Variants in SORCS3 observed in about 807,000 individuals in gnomAD.
SORCS3 encodes the protein sortilin related VPS10 domain containing receptor 3, also known as VPS10 domain-containing receptor SorCS3.
SORCS3 carries 57 observed loss-of-function variants against 146.3 expected under a neutral mutation model. That is an observed-to-expected ratio of 0.39 (90% CI 0.31 to 0.49). The LOEUF (loss-of-function observed/expected upper bound fraction) is 0.49, where lower values mean the gene tolerates loss of function less well. Among genes scored for constraint, SORCS3 ranks in the 20% least tolerant of loss-of-function variants. SORCS3 has a pLI of 0.92. For missense variants in SORCS3, 1,341 were observed against 1,575.5 expected (o/e 0.85, Z 2.52); for synonymous variants, 653 against 618.5 (o/e 1.06, Z -0.83).
intron 2 of SORCS3, among the ~76,000 whole-genome samples, chr10:104,881,966 C>T (rs1392474982): frequency 6.6e-6 from 1 of 152,160 alleles, no homozygotes; most frequent in East Asian, 1.9e-4. Flanking sequence ...AGTTGGTAAG[C>T]ATCCCTGTTT....
At chr10:104,698,729 T>C (rs1480721378) in intron 1 of SORCS3, among the ~76,000 whole-genome samples, 2 of 152,182 alleles carry the variant, frequency 1.3e-5, no homozygotes, top group African/African-American at 4.8e-5. Flanking sequence ...GAATTGTCCC[T>C]ACCCTGAGAG....
At chr10:105,120,711 CG>C (rs2055926266) in intron 7 of SORCS3, among the ~76,000 whole-genome samples, 1 of 152,066 alleles carries the variant, frequency 6.6e-6, no homozygotes, top group Admixed American at 6.5e-5. Flanking sequence ...TCTCAGAGAA[CG>C]GTTCTGTAAT....
chr10:104,839,611 A>G (rs567752182), intron 1 of SORCS3, among the ~76,000 whole-genome samples: 11 of 152,298 alleles, frequency 7.2e-5, no homozygotes, highest in African/African-American at 2.6e-4. Flanking sequence ...TATGAATTTC[A>G]TCCATTGGCG....
chr10:104,757,862 C>T (rs1057093045), intron 1 of SORCS3, among the ~76,000 whole-genome samples: 1 of 54,814 alleles, frequency 1.8e-5, no homozygotes, highest in Non-Finnish European at 3.4e-5. Flanking sequence ...CCACCACCCC[C>T]CCCCCCACAC....
intron 18 of SORCS3, among the ~76,000 whole-genome samples, chr10:105,216,387 T>G (rs890107336): frequency 6.6e-6 from 1 of 152,110 alleles, no homozygotes; most frequent in African/African-American, 2.4e-5. Context: ...GCATGGCAAC[T>G]GAGGGCATTA....
At chr10:105,067,152 G>A (rs1176759306) in intron 5 of SORCS3, among the ~76,000 whole-genome samples, 3 of 152,062 alleles carry the variant, frequency 2.0e-5, no homozygotes, top group Admixed American at 2.0e-4. Flanking sequence ...GAGACAAAAA[G>A]AAACCATTCC....
chr10:105,045,060 G>A (rs1002748506), intron 5 of SORCS3, among the ~76,000 whole-genome samples: 3 of 138,172 alleles, frequency 2.2e-5, no homozygotes, highest in African/African-American at 2.9e-5. Context: ...GAAAGAAAGC[G>A]AAAGAAAGAG....
chr10:105,207,584 A>G (rs1425125082), intron 16 of SORCS3, among the ~76,000 whole-genome samples: 1 of 152,168 alleles, frequency 6.6e-6, no homozygotes, highest in East Asian at 1.9e-4. Flanking sequence ...AGCTGGAGAA[A>G]CAGCTGGAGC....
intron 14 of SORCS3, among the ~76,000 whole-genome samples, chr10:105,182,200 C>A (rs537216590): frequency 6.9e-6 from 1 of 144,066 alleles, no homozygotes; most frequent in South Asian, 2.3e-4. Flanking sequence ...CCAGTGAAGA[C>A]CTTGCAGCCA....
intron 2 of SORCS3, among the ~76,000 whole-genome samples, chr10:104,843,207 T>C (rs1212202958): frequency 6.6e-6 from 1 of 152,130 alleles, no homozygotes; most frequent in Admixed American, 6.5e-5. Context: ...GAGATTCTTG[T>C]CCTGGATGTG....
chr10:105,096,922 G>A (rs1405505720), intron 6 of SORCS3, among the ~76,000 whole-genome samples: 1 of 151,954 alleles, frequency 6.6e-6, no homozygotes, highest in East Asian at 1.9e-4. Context: ...TAATATTTTG[G>A]GCTAAATAAA....
Position 105,232,016 on chromosome 10 carries a change from G to A in SORCS3, c.2868+8767G>A, listed in dbSNP as rs556793207. Among the ~76,000 whole-genome samples the A allele has an allele frequency of 5.3e-5, 8 of 151,954 alleles. No individual in the cohort carries two copies. The East Asian group carries it at 1.5e-3, about 29-fold the overall frequency. Reference sequence around the variant, plus strand: ...TGATATTTGGTTACATTTGGTATTTGGTATTTGGTTGATGGTTGATTTTGG... The same window carrying A: ...TGATATTTGGTTACATTTGGTATTTAGTATTTGGTTGATGGTTGATTTTGG... On this transcript the variant is annotated intron_variant, in intron 20 of 26. Coordinates refer to ENST00000369701, the MANE Select transcript of SORCS3 (RefSeq NM_014978.3).
At chr10:104,824,352 T>A (rs956513975) in intron 1 of SORCS3, among the ~76,000 whole-genome samples, 1 of 152,070 alleles carries the variant, frequency 6.6e-6, no homozygotes, top group African/African-American at 2.4e-5. Context: ...CAGTTTCAAA[T>A]TTTTTTTGCA....
At chr10:104,760,251 G>GGAAA (rs1472207800) in intron 1 of SORCS3, among the ~76,000 whole-genome samples, 1 of 152,154 alleles carries the variant, frequency 6.6e-6, no homozygotes, top group East Asian at 1.9e-4. Flanking sequence ...AACTTAGCAT[G>GGAAA]GAAAGGATTT....
chr10:105,019,591 C>T (rs373868911), intron 4 of SORCS3, among the ~76,000 whole-genome samples: 7 of 152,168 alleles, frequency 4.6e-5, no homozygotes, highest in African/African-American at 1.7e-4. Flanking sequence ...TGATCACACC[C>T]CTCTGAAGCT....
intron 1 of SORCS3, among the ~76,000 whole-genome samples, chr10:104,805,851 C>T (rs2133513807): frequency 6.6e-6 from 1 of 152,240 alleles, no homozygotes; most frequent in South Asian, 2.1e-4. Context: ...TCTCTTCTTC[C>T]TGTTCTTGCT....
intron 1 of SORCS3, among the ~76,000 whole-genome samples, chr10:104,696,509 T>G (rs769006777): frequency 0.016 from 1,026 of 63,746 alleles, 127 homozygotes; most frequent in African/African-American, 0.059. Context: ...ATATAATATA[T>G]AATATATAAT....
At chr10:105,053,240 T>G (rs1454769419) in intron 5 of SORCS3, among the ~76,000 whole-genome samples, 1 of 152,072 alleles carries the variant, frequency 6.6e-6, no homozygotes, top group African/African-American at 2.4e-5. Flanking sequence ...TCAACATATT[T>G]TTTTTTTGGA....
rs531456997 is a variant in SORCS3 at position 104,907,302 on chromosome 10, G to A, written c.696-8531G>A. On this transcript the variant is annotated intron_variant, in intron 2 of 26. Transcript: ENST00000369701. ...TGGAGGGCTTCTTTCCTTCCCTTAC[G>A]TGCATGATACAAATAGGTCTTTTGC... 6.6e-5 allele frequency among the ~76,000 whole-genome samples: 10 copies of A among 152,112 alleles called. No individual in the cohort carries two copies. In the South Asian group the frequency reaches 1.7e-3, roughly 25 times the overall value.
Sources: allele counts gnomAD v4.1 joint callset (sites outside exome capture counted in the v4.1 genomes callset), GRCh38; gene constraint gnomAD v4.1.1; transcripts MANE v1.5; gene names NCBI Gene and HGNC (gene_info 2026-07-23, HGNC 2026-07-21).